Variants in EXOC4 observed in about 807,000 individuals in gnomAD.
The protein encoded by EXOC4 is SEC8-like 1.
Under a neutral mutation model 107.2 loss-of-function variants are expected in EXOC4, and 71 were observed. The ratio of observed to expected loss-of-function variants is 0.66; its 90% confidence interval spans 0.55 to 0.81. The LOEUF is 0.81. Ranked by LOEUF, EXOC4 falls within the 30% of genes least tolerant of loss-of-function variation. The probability of loss-of-function intolerance (pLI) is 0.00; values close to 1 mark genes in which losing one functional copy is unlikely to be tolerated. For synonymous variants in EXOC4, 456 were observed against 441.2 expected (o/e 1.03, Z -0.42); for missense variants, 1,108 against 1,189.6 (o/e 0.93, Z 1.01).
chr7:133,794,889 C>A (rs1177338070), intron 10 of EXOC4, among the ~76,000 whole-genome samples: 1 of 151,732 alleles, frequency 6.6e-6, no homozygotes, highest in Non-Finnish European at 1.5e-5. Flanking sequence ...TGTGCTGCAC[C>A]CATTAACTCT....
chr7:133,655,615 C>T (rs1282268966), intron 10 of EXOC4, among the ~76,000 whole-genome samples: 4 of 152,118 alleles, frequency 2.6e-5, no homozygotes, highest in Admixed American at 6.6e-5. Context: ...CACACATTAG[C>T]GTAGGCTTAC....
intron 9 of EXOC4, among the ~76,000 whole-genome samples, chr7:133,604,085 C>T (rs1176549133): frequency 6.6e-6 from 1 of 151,652 alleles, no homozygotes; most frequent in African/African-American, 2.4e-5. Flanking sequence ...TACACAGGGT[C>T]AGGATCATCA....
At chr7:133,840,119 G>A (rs1797995207) in intron 11 of EXOC4, among the ~76,000 whole-genome samples, 1 of 152,096 alleles carries the variant, frequency 6.6e-6, no homozygotes, top group Non-Finnish European at 1.5e-5. Flanking sequence ...CCAAATAAAG[G>A]AAAAAGTATT....
At chr7:133,319,986 T>G (rs530456380) in intron 5 of EXOC4, among the ~76,000 whole-genome samples, 7 of 152,222 alleles carry the variant, frequency 4.6e-5, no homozygotes, top group African/African-American at 1.7e-4. Flanking sequence ...ATTAACTCAT[T>G]TAGTCCCTCA....
chr7:133,678,571 T>C (rs1794115431), intron 10 of EXOC4, among the ~76,000 whole-genome samples: 1 of 152,092 alleles, frequency 6.6e-6, no homozygotes. Context: ...TTCCACACTG[T>C]GTCACCAAGC....
At chr7:133,855,006 T>A in intron 11 of EXOC4, among the ~76,000 whole-genome samples, 1 of 142,612 alleles carries the variant, frequency 7.0e-6, no homozygotes, top group African/African-American at 2.7e-5. Flanking sequence ...TATAATGGCT[T>A]CTCTATTCCT....
intron 15 of EXOC4, among the ~76,000 whole-genome samples, chr7:134,002,272 C>G (rs111241160): frequency 1.9e-3 from 283 of 152,252 alleles, no homozygotes; most frequent in African/African-American, 6.3e-3. Context: ...TACTTGGATT[C>G]TCTTGGATGA....
downstream of EXOC4, among the ~76,000 whole-genome samples, chr7:134,069,439 TCTCCTG>T (rs1395143835): frequency 1.3e-5 from 2 of 148,246 alleles, no homozygotes; most frequent in Non-Finnish European, 1.5e-5. Context: ...TCCTCCTCCT[TCTCCTG>T]CTCCTCCTCC....
intron 10 of EXOC4, among the ~76,000 whole-genome samples, chr7:133,762,575 A>T (rs1332202525): frequency 6.6e-6 from 1 of 152,184 alleles, no homozygotes; most frequent in East Asian, 1.9e-4. Context: ...TGATATGCAT[A>T]TAAATATTTT....
chr7:133,751,962 TAGTG>T (rs1795801665), intron 10 of EXOC4, among the ~76,000 whole-genome samples: 3 of 141,872 alleles, frequency 2.1e-5, no homozygotes, highest in South Asian at 4.6e-4. Context: ...CTGCACAACA[TAGTG>T]AGACTATCTC....
rs1262763398 is a variant in EXOC4 at position 134,065,287 on chromosome 7, C to G, written c.*759C>G. ...AATTCAAACATCTGCTTGATTCCCG[C>G]CCCGCCACCCCTAATTTCTGAGAGA... On this transcript the variant is annotated 3_prime_UTR_variant, in exon 18 of 18. Transcript: ENST00000253861. The G allele has an allele frequency of 6.6e-6, 1 of 152,084 alleles. No homozygotes were observed. Among genetic ancestry groups the G allele is most frequent in the Non-Finnish European group, 1.5e-5 (1 of 68,026 alleles). 9.4% of individuals were successfully genotyped at this position (152,084 alleles called of 1,614,324 possible).
chr7:133,659,245 T>C (rs1172291340), intron 10 of EXOC4, among the ~76,000 whole-genome samples: 2 of 152,004 alleles, frequency 1.3e-5, no homozygotes, highest in Non-Finnish European at 2.9e-5. Flanking sequence ...CTAATGTGGA[T>C]AGTAGTAGTG....
chr7:134,076,758 C>A, the EXOC4 span, among the ~76,000 whole-genome samples: 1 of 151,380 alleles, frequency 6.6e-6, no homozygotes, highest in Non-Finnish European at 1.5e-5. Flanking sequence ...ATATTCTTCA[C>A]TTTTTTGTGC....
chr7:133,302,084 C>A (rs1020296448), intron 3 of EXOC4, among the ~76,000 whole-genome samples: 2 of 152,098 alleles, frequency 1.3e-5, no homozygotes. Context: ...TCAACTCAGG[C>A]AAATTTTTTT....
intron 7 of EXOC4, among the ~76,000 whole-genome samples, chr7:133,440,535 T>G (rs553857547): frequency 2.0e-5 from 3 of 152,328 alleles, no homozygotes; most frequent in Non-Finnish European, 4.4e-5. Flanking sequence ...TCAGACTTAC[T>G]GGGCTGCATT....
intron 11 of EXOC4, among the ~76,000 whole-genome samples, chr7:133,851,471 A>T (rs1367258350): frequency 6.6e-6 from 1 of 152,194 alleles, no homozygotes; most frequent in African/African-American, 2.4e-5. Flanking sequence ...GGTGTGAGCC[A>T]CTGGCCCTGC....
In EXOC4 at chr7:133,917,607, A is replaced by C. The variant is rs894005642; in HGVS notation, c.1896A>C (p.Lys632Asn). The C allele has an allele frequency of 6.2e-7, 1 of 1,613,896 alleles. No individual in the cohort carries two copies. Among genetic ancestry groups the C allele is most frequent in the Non-Finnish European group, 8.5e-7 (1 of 1,179,984 alleles). ...GGGGTATTGTCCAGTCAGAAGAAAA[A>C]CTTGTCATCAGTGCATCCTGGGCAA... ...AYRGIVQSEE[K>N]LVISASWAKD... Residue 632 changes from lysine (K) to asparagine (N), a missense_variant, in exon 13 of 18, where the codon AAA becomes AAC. Coordinates refer to ENST00000253861, the MANE Select transcript of EXOC4 (RefSeq NM_021807.4).
At chr7:133,487,767 A>G (rs986810688) in intron 9 of EXOC4, among the ~76,000 whole-genome samples, 11 of 152,196 alleles carry the variant, frequency 7.2e-5, no homozygotes, top group African/African-American at 2.7e-4. Context: ...TTGTTTTCAG[A>G]ACAAAAACTT....
intron 7 of EXOC4, among the ~76,000 whole-genome samples, chr7:133,473,455 C>G (rs1402983700): frequency 2.0e-5 from 3 of 152,118 alleles, no homozygotes; most frequent in Non-Finnish European, 2.9e-5. Context: ...TTTGGGTGCT[C>G]TGGTGTCAGG....
Sources: gnomAD v4.1 joint callset for allele counts (sites outside exome capture counted in the v4.1 genomes callset) on GRCh38, gnomAD v4.1.1 for gene constraint, MANE v1.5 for transcripts, NCBI Gene and HGNC (gene_info 2026-07-23, HGNC 2026-07-21) for gene names.